LRRC4C: variants seen among roughly 807,000 people sequenced by gnomAD.
LRRC4C encodes the protein leucine-rich repeat-containing protein 4C.
Under a neutral mutation model 33.6 loss-of-function variants are expected in LRRC4C, and 5 were observed. The observed-to-expected ratio is 0.15, with a 90% confidence interval of 0.08 to 0.31. LRRC4C has a LOEUF of 0.31. LRRC4C is among the 10% of genes least tolerant of loss of function. The probability of loss-of-function intolerance (pLI) is 1.00; values close to 1 mark genes in which losing one functional copy is unlikely to be tolerated. For missense variants in LRRC4C, 560 were observed against 796.7 expected, an observed-to-expected ratio of 0.70 and a Z score of 3.58; for synonymous variants, 329 against 302.0, an observed-to-expected ratio of 1.09 and a Z score of -0.93.
chr11:40,688,014 A>T (rs1945045411), intron 2 of LRRC4C, among the ~76,000 whole-genome samples: 1 of 152,116 alleles, frequency 6.6e-6, no homozygotes, highest in Admixed American at 6.6e-5. Context: ...AGGATATTGT[A>T]ATCTACTATT....
At chr11:40,434,937 CT>C (rs1355062543) in intron 3 of LRRC4C, among the ~76,000 whole-genome samples, 2 of 152,024 alleles carry the variant, frequency 1.3e-5, no homozygotes, top group Non-Finnish European at 2.9e-5. Context: ...TTTAAAAGGC[CT>C]TAGGAGCTTT....
intron 1 of LRRC4C, among the ~76,000 whole-genome samples, chr11:40,938,014 G>A (rs1018540135): frequency 2.0e-5 from 3 of 152,064 alleles, no homozygotes; most frequent in African/African-American, 7.2e-5. Flanking sequence ...GAGAGTAATA[G>A]CAGTAATTCT....
chr11:40,804,265 G>C (rs1591764990), intron 2 of LRRC4C, among the ~76,000 whole-genome samples: 1 of 152,108 alleles, frequency 6.6e-6, no homozygotes, highest in Non-Finnish European at 1.5e-5. Flanking sequence ...TTTGATAGCT[G>C]TATCTATATA....
chr11:40,303,660 A>AT (rs201473212), intron 4 of LRRC4C, among the ~76,000 whole-genome samples: 227 of 151,966 alleles, frequency 1.5e-3, no homozygotes, highest in Middle Eastern at 0.01. Context: ...CAATTAAAAC[A>AT]TTTTTTTTCT....
intron 4 of LRRC4C, among the ~76,000 whole-genome samples, chr11:40,271,658 T>G (rs1010428942): frequency 1.3e-5 from 2 of 152,256 alleles, no homozygotes; most frequent in Admixed American, 1.3e-4. Context: ...CTCCTGAACC[T>G]TTCACTGGGG....
At chr11:40,848,667 G>GTC (rs1953323047) in intron 2 of LRRC4C, among the ~76,000 whole-genome samples, 1 of 152,134 alleles carries the variant, frequency 6.6e-6, no homozygotes, top group Non-Finnish European at 1.5e-5. Context: ...GGTCTGGTTG[G>GTC]TGCAGAGCTG....
intron 3 of LRRC4C, among the ~76,000 whole-genome samples, chr11:40,524,916 A>G (rs1955976111): frequency 6.6e-6 from 1 of 152,198 alleles, no homozygotes; most frequent in South Asian, 2.1e-4. Context: ...AGTTACTACT[A>G]TGGTAGATTA....
chr11:40,441,420 T>C (rs1951389039), intron 3 of LRRC4C, among the ~76,000 whole-genome samples: 1 of 152,198 alleles, frequency 6.6e-6, no homozygotes, highest in African/African-American at 2.4e-5. Context: ...TTTAGTACGA[T>C]TCGCTGTAAC....
chr11:40,593,674 G>C (rs1959159805), intron 3 of LRRC4C, among the ~76,000 whole-genome samples: 1 of 152,160 alleles, frequency 6.6e-6, no homozygotes, highest in Non-Finnish European at 1.5e-5. Flanking sequence ...ATCTGGCAAA[G>C]TAAGGGGGTT....
chr11:41,392,471 A>T (rs1409585828), intron 1 of LRRC4C, among the ~76,000 whole-genome samples: 1 of 151,682 alleles, frequency 6.6e-6, no homozygotes, highest in Non-Finnish European at 1.5e-5. Flanking sequence ...ACGTGTAATA[A>T]GCCTTCTTTG....
rs11827759 is a variant in LRRC4C at position 40,473,031 on chromosome 11, G to C, written c.-269-153310C>G. On this transcript the variant is annotated intron_variant, in intron 3 of 6. Coordinates refer to ENST00000528697, the MANE Select transcript of LRRC4C (RefSeq NM_001258419.2). ...AGCTGAATTCTACCAGAGATACAAAGAGGAGCTGGTACCATTCCTTCTGAA... is the reference window on the plus strand; with the variant it reads ...AGCTGAATTCTACCAGAGATACAAACAGGAGCTGGTACCATTCCTTCTGAA... Among the ~76,000 whole-genome samples, 227 of 152,260 alleles carry C rather than the reference G, an allele frequency of 1.5e-3. 1 individual carries two copies. The highest frequency in any genetic ancestry group is 5.2e-3 in the African/African-American group (217 of 41,530).
chr11:41,037,806 T>A (rs1366647757), intron 1 of LRRC4C, among the ~76,000 whole-genome samples: 2 of 152,168 alleles, frequency 1.3e-5, no homozygotes, highest in Non-Finnish European at 2.9e-5. Flanking sequence ...CCCTCTAATC[T>A]ATCCAGTTAG....
chr11:41,298,315 T>A (rs868552927), intron 1 of LRRC4C, among the ~76,000 whole-genome samples: 1 of 152,172 alleles, frequency 6.6e-6, no homozygotes, highest in Non-Finnish European at 1.5e-5. Context: ...CTTGTCTTTT[T>A]TTCCCAGAAG....
intron 1 of LRRC4C, among the ~76,000 whole-genome samples, chr11:41,003,688 G>A (rs1394482744): frequency 6.6e-6 from 1 of 151,678 alleles, no homozygotes; most frequent in African/African-American, 2.4e-5. Flanking sequence ...TCAAGGGAGA[G>A]AAGAGACATC....
rs1182314276 is a variant in LRRC4C at position 41,312,137 on chromosome 11, AAAGAAACC to A, written c.-496+147286_-496+147293del. 2.2e-4 allele frequency among the ~76,000 whole-genome samples: 33 copies of A among 152,284 alleles called. No homozygotes were observed. In the East Asian group the frequency reaches 6.2e-3, roughly 29 times the overall value. The stretch of plus-strand genomic sequence containing the variant: ...GACAAAGTGGATGACCAAAAAGGAG[AAAGAAACC>A]AGGAATTAGCCAGTTTGATTATGTT... On this transcript the variant is annotated intron_variant, in intron 1 of 6. Transcript: ENST00000528697.
intron 5 of LRRC4C, among the ~76,000 whole-genome samples, chr11:40,152,656 G>C (rs1858321873): frequency 6.6e-6 from 1 of 152,106 alleles, no homozygotes; most frequent in South Asian, 2.1e-4. Flanking sequence ...GGTGAGGCCT[G>C]TGATTGCCAG....
chr11:40,970,218 T>C (rs1376482961), intron 1 of LRRC4C, among the ~76,000 whole-genome samples: 2 of 152,140 alleles, frequency 1.3e-5, no homozygotes, highest in African/African-American at 2.4e-5. Context: ...CCAAGTCTCA[T>C]GTTGAATTGT....
chr11:40,826,539 G>C (rs1055486810), intron 2 of LRRC4C, among the ~76,000 whole-genome samples: 1 of 151,828 alleles, frequency 6.6e-6, no homozygotes, highest in African/African-American at 2.4e-5. Context: ...GAAAACGCAC[G>C]TCTTTTGCTT....
chr11:40,405,513 T>A (rs1949929155), intron 3 of LRRC4C, among the ~76,000 whole-genome samples: 1 of 149,194 alleles, frequency 6.7e-6, no homozygotes. Flanking sequence ...AGTGGGCACC[T>A]GTGATCCCAG....
Sources: gnomAD v4.1 joint callset for allele counts (sites outside exome capture counted in the v4.1 genomes callset) on GRCh38, gnomAD v4.1.1 for gene constraint, MANE v1.5 for transcripts, NCBI Gene and HGNC (gene_info 2026-07-23, HGNC 2026-07-21) for gene names.